Variants in ZNF318 observed in about 807,000 individuals in gnomAD.
ZNF318 encodes the protein endocrine regulator.
In ZNF318, 51 loss-of-function variants were observed where a neutral mutation model predicts 124.2. The observed-to-expected ratio is 0.41, with a 90% CI of 0.33 to 0.52. ZNF318 has a LOEUF of 0.52. ZNF318 is among the 20% of genes least tolerant of loss of function. ZNF318 has a pLI of 0.23. For synonymous variants in ZNF318, 1,090 were observed against 1,040.7 expected, an observed-to-expected ratio of 1.05 and a Z score of -0.91; for missense variants, 2,815 against 2,811.2, an observed-to-expected ratio of 1.00 and a Z score of -0.03.
intron 5 of ZNF318, 121 bp downstream of exon 5, chr6:43,352,256 T>TCATCACCATCATCTGGGAG: frequency 1.4e-6 from 1 of 723,582 alleles, no homozygotes; most frequent in Non-Finnish European, 2.3e-6. Flanking sequence ...TTTGTAAGTT[T>TCATCACCATCATCTGGGAG]AATTACGTCA....
rs200879474 is a variant in ZNF318, at chr6:43,348,445, A to T, written c.2951T>A (p.Ile984Asn). Residue 984 changes from isoleucine (I) to asparagine (N), a missense_variant, in exon 6 of 10, where the codon ATC (isoleucine) becomes AAC (asparagine). This residue lies in a region of ZNF318 where 1,377 missense variants were observed against 1,353.5 expected (regional missense o/e 1.02). Coordinates refer to ENST00000361428, the MANE Select transcript of ZNF318 (RefSeq NM_014345.3). ...DKVAQILGINIFDKSQKSLSD... is the reference protein window; with the variant it reads ...DKVAQILGINNFDKSQKSLSD... Reference sequence around the variant, plus strand: ...TAAAGACTTCTGGGATTTATCGAAGATGTTAATTCCCAAGATCTGAGCCAC... The same window carrying T: ...TAAAGACTTCTGGGATTTATCGAAGTTGTTAATTCCCAAGATCTGAGCCAC... The T allele has an allele frequency of 4.3e-4, 696 of 1,614,116 alleles. 7 individuals are homozygous for T. The South Asian group carries it at 7.2e-3, about 17-fold the overall frequency.
In ZNF318 at chr6:43,339,805, T is replaced by C. The variant is rs1779345156; in HGVS notation, c.4193A>G (p.Asp1398Gly). 1 of 1,614,034 alleles carries C rather than the reference T, an allele frequency of 6.2e-7. No individual in the cohort carries two copies. Among genetic ancestry groups the C allele is most frequent in the South Asian group, 1.1e-5 (1 of 91,090 alleles). Residue 1398 changes from aspartate to glycine, a missense_variant, in exon 10 of 10, where the codon GAT (aspartate) becomes GGT (glycine). Physicochemically the swap from Asp to Gly is moderately conservative, Grantham distance 94. This residue lies in a region of ZNF318 where 500 missense variants were observed against 605.2 expected (regional missense o/e 0.83). Transcript: ENST00000361428. This position sits in a 1 kb window ranked among gnomAD's most constrained non-coding sequence, Gnocchi z 4.2. ...GATGATGTCTGGAGGTAAGAGGAGA[T>C]CAGCTGAAGACTCTTTAACCACTGG... is the stretch of plus-strand genomic sequence containing the variant. ...PLPVVKESSA[D>G]LLLPPDIISK... is the part of the protein sequence containing the mutation.
In ZNF318 at chr6:43,355,414, A is replaced by T. The variant is rs561784165; in HGVS notation, c.1920T>A (p.Phe640Leu). ...ADRRSSVDRY[F>L]SADHCSSVDH... The stretch of plus-strand genomic sequence containing the variant: ...CAACTGAGGAACAGTGGTCAGCTGA[A>T]AAGTATCGGTCAACTGAGGAACGGC... Residue 640 changes from phenylalanine (F) to leucine (L), a missense_variant, in exon 4 of 10, where the codon TTT becomes TTA. Phe to Leu is a conservative substitution (Grantham distance 22). This residue lies in a region of ZNF318 where 1,377 missense variants were observed against 1,353.5 expected (regional missense o/e 1.02). Coordinates refer to ENST00000361428, the MANE Select transcript of ZNF318 (RefSeq NM_014345.3). The T allele has an allele frequency of 6.2e-7, 1 of 1,614,082 alleles. No individual in the cohort carries two copies. The highest frequency in any genetic ancestry group is 8.5e-7 in the Non-Finnish European group (1 of 1,180,002).
At chr6:43,366,920 C>A (rs889985896) in intron 1 of ZNF318, among the ~76,000 whole-genome samples, 6 of 152,010 alleles carry the variant, frequency 3.9e-5, no homozygotes, top group African/African-American at 1.2e-4. Context: ...GGCACGATCT[C>A]GGCTCACTGC....
Position 43,365,416 on chromosome 6 carries a change from C to G in ZNF318, c.424G>C (p.Asp142His). The change falls in exon 2 of 10, where the codon GAC becomes CAC. Residue 142 changes from aspartate to histidine, a missense_variant. This residue lies in a region of ZNF318 where 1,377 missense variants were observed against 1,353.5 expected (regional missense o/e 1.02). Coordinates refer to ENST00000361428, the MANE Select transcript of ZNF318 (RefSeq NM_014345.3). ...SRRRSPGLCS[D>H]SLEKSLRITV... ...ATCCTTAAGCTCTTTTCCAAAGAGT[C>G]AGAACACAGACCAGGAGAGCGTCTC... The G allele has an allele frequency of 1.2e-6, 2 of 1,613,922 alleles. No individual in the cohort carries two copies. The highest frequency in any genetic ancestry group is 1.7e-6 in the Non-Finnish European group (2 of 1,179,960).
Position 43,342,180 on chromosome 6 carries a change from G to A in ZNF318, c.3308C>T (p.Ser1103Leu). The A allele has an allele frequency of 6.2e-7, 1 of 1,613,656 alleles. No individual in the cohort carries two copies. Among genetic ancestry groups the A allele is most frequent in the Non-Finnish European group, 8.5e-7 (1 of 1,179,752 alleles). ...TTGCTTGGCCTCACTCTGGGTCTTT[G>A]AAGCCCAAGGTCTGTTGTAGGGATC... is the stretch of plus-strand genomic sequence containing the variant. The part of the protein sequence containing the change: ...TLDPYNRPWA[S>L]KTQSEAKQDA... Residue 1103 changes from serine to leucine, a missense_variant, in exon 8 of 10, where the codon TCA becomes TTA. Transcript: ENST00000361428.
At chr6:43,358,420 T>C (rs1032249052) in intron 2 of ZNF318, among the ~76,000 whole-genome samples, 3 of 150,074 alleles carry the variant, frequency 2.0e-5, no homozygotes, top group Non-Finnish European at 4.4e-5. Flanking sequence ...GCTAATTTTT[T>C]TTTTTTTTTT....
intron 9 of ZNF318, 77 bp from the exon 10 acceptor site, chr6:43,340,579 A>C (rs1779361203): frequency 6.7e-7 from 1 of 1,497,696 alleles, no homozygotes; most frequent in Admixed American, 2.6e-5. Context: ...CTACTGTTAG[A>C]ATTCATTTAG....
intron 5 of ZNF318, among the ~76,000 whole-genome samples, 200 bp downstream of exon 5, chr6:43,352,177 T>TCAC (rs1491380269): frequency 8.6e-5 from 13 of 150,788 alleles, no homozygotes; most frequent in South Asian, 2.1e-4. Flanking sequence ...ATCATCATCA[T>TCAC]CATCATCACC....
At chr6:43,347,062 G>A (rs1177968407) in intron 6 of ZNF318, among the ~76,000 whole-genome samples, 1 of 152,156 alleles carries the variant, frequency 6.6e-6, no homozygotes, top group Non-Finnish European at 1.5e-5. Context: ...TAACAGTCTA[G>A]GGAATCAGAG....
chr6:43,345,245 CAAA>C (rs35628286), intron 6 of ZNF318, among the ~76,000 whole-genome samples: 5 of 122,014 alleles, frequency 4.1e-5, no homozygotes, highest in African/African-American at 9.8e-5. Context: ...GACCCTGTCT[CAAA>C]AAAAAAAAAA....
rs1278774438 is a variant in ZNF318 at position 43,337,678 on chromosome 6, G to A, written c.6320C>T (p.Thr2107Ile). 2 of 1,614,022 alleles carry A rather than the reference G, an allele frequency of 1.2e-6. No homozygotes were observed. The highest frequency in any genetic ancestry group is 1.7e-5 in the Admixed American group (1 of 60,002). The change falls in exon 10 of 10, where the codon ACT (threonine) becomes ATT (isoleucine). Residue 2107 changes from threonine (T) to isoleucine (I), a missense_variant. This residue lies in a region of ZNF318 where 927 missense variants were observed against 820.6 expected (regional missense o/e 1.13). Coordinates refer to ENST00000361428, the MANE Select transcript of ZNF318 (RefSeq NM_014345.3). ...ACGGTCAACATTTTCTGTAAGTCCA[G>A]TTTTCAAAATGTTAGGAGAAGGGAT... is the stretch of plus-strand genomic sequence containing the variant. ...VRIPSPNILK[T>I]GLTENVDRGL...
intron 6 of ZNF318, among the ~76,000 whole-genome samples, chr6:43,347,232 TGA>T (rs746915870): frequency 6.6e-6 from 1 of 152,124 alleles, no homozygotes; most frequent in Non-Finnish European, 1.5e-5. Flanking sequence ...AGGTTAGTAA[TGA>T]AACTACAGTC....
At chr6:43,351,846 A>T (rs1779527814) in intron 5 of ZNF318, among the ~76,000 whole-genome samples, 1 of 152,144 alleles carries the variant, frequency 6.6e-6, no homozygotes, top group Non-Finnish European at 1.5e-5. Flanking sequence ...GCGTATTAAA[A>T]TGTTAATAAT....
chr6:43,346,388 G>A (rs12215990), intron 6 of ZNF318, among the ~76,000 whole-genome samples: 57 of 151,930 alleles, frequency 3.8e-4, no homozygotes, highest in African/African-American at 1.3e-3. Context: ...GGCTGAGGCA[G>A]AAGAATTGCT....
rs1779621163 is a variant in ZNF318 at position 43,357,223 on chromosome 6, C to T, written c.1091G>A (p.Gly364Glu). 1 of 1,614,180 alleles carries T rather than the reference C, an allele frequency of 6.2e-7. No individual in the cohort carries two copies. The highest frequency in any genetic ancestry group is 8.5e-7 in the Non-Finnish European group (1 of 1,180,044). The part of the protein sequence containing the change: ...LSGVLTASEP[G>E]YSLHRPEEVS... Reference sequence around the variant, plus strand: ...TTCCTCAGGCCGATGCAAAGAATATCCTGGCTCCGATGCTGTTAGGACACC... The same window carrying T: ...TTCCTCAGGCCGATGCAAAGAATATTCTGGCTCCGATGCTGTTAGGACACC... The change falls in exon 3 of 10, where the codon GGA (glycine) becomes GAA (glutamate). Residue 364 changes from glycine (G) to glutamate (E), a missense_variant. Physicochemically the swap from Gly to Glu is moderately conservative, Grantham distance 98 (BLOSUM62 -2). This residue lies in a region of ZNF318 where 1,377 missense variants were observed against 1,353.5 expected (regional missense o/e 1.02). Transcript: ENST00000361428.
At chr6:43,343,964 G>A (rs1274677817) in intron 6 of ZNF318, among the ~76,000 whole-genome samples, 3 of 151,898 alleles carry the variant, frequency 2.0e-5, no homozygotes, top group African/African-American at 7.3e-5. Context: ...GCTGGAACAA[G>A]GCACTCAGGA....
chr6:43,342,994 A>G, intron 6 of ZNF318, 115 bp from the exon 7 acceptor site: 3 of 849,768 alleles, frequency 3.5e-6, no homozygotes, highest in Non-Finnish European at 5.4e-6. Context: ...CATATTTCCA[A>G]TGTTTAAAGC....
At position 43,352,334 on chromosome 6, in the gene ZNF318, C is replaced by T. The variant is rs137985770; in HGVS notation, c.2770+43G>A. ...GAGAGTACCAAATTTGGGTCTCCTA[C>T]GCAAGTTATTACAAAAAGGCAGTCA... On this transcript the variant is annotated intron_variant, in intron 5 of 9. Transcript: ENST00000361428. 8.1e-3 allele frequency: 11,163 copies of T among 1,377,298 alleles called. 61 individuals are homozygous for T. Among genetic ancestry groups the T allele is most frequent in the Middle Eastern group, 0.015 (77 of 5,110 alleles). 85.3% of individuals were successfully genotyped at this position (1,377,298 alleles called of 1,614,324 possible).
Sources: gnomAD v4.1 joint callset for allele counts (sites outside exome capture counted in the v4.1 genomes callset) on GRCh38, gnomAD v4.1.1 for gene constraint, gnomAD v4.1.1 regional missense constraint, Gnocchi (gnomAD v3.1) non-coding constraint, MANE v1.5 for transcripts, NCBI Gene and HGNC (gene_info 2026-07-23, HGNC 2026-07-21) for gene names.